The following ITPKB variants were observed in gnomAD, a reference collection of about 807,000 sequenced individuals.
ITPKB encodes the protein inositol-trisphosphate 3-kinase B.
A neutral mutation model predicts 69.4 loss-of-function variants in ITPKB; 13 were observed. The observed-to-expected ratio is 0.19, with a 90% CI of 0.12 to 0.30. The LOEUF is 0.30. ITPKB is among the 10% of genes least tolerant of loss of function. The probability of loss-of-function intolerance (pLI) is 1.00; values close to 1 mark genes in which losing one functional copy is unlikely to be tolerated. For missense variants in ITPKB, 1,240 were observed against 1,250.5 expected (o/e 0.99, Z 0.13); for synonymous variants, 584 against 513.7 (o/e 1.14, Z -1.85).
At chr1:226,690,792 T>C (rs1186424241) in intron 2 of ITPKB, among the ~76,000 whole-genome samples, 2 of 152,126 alleles carry the variant, frequency 1.3e-5, no homozygotes, top group South Asian at 4.1e-4. Context: ...TTTCCTGCAA[T>C]AGCCAAAAGG....
At chr1:226,660,858 T>C (rs1003402138) in intron 2 of ITPKB, among the ~76,000 whole-genome samples, 8 of 152,218 alleles carry the variant, frequency 5.3e-5, no homozygotes, top group African/African-American at 1.7e-4. Flanking sequence ...GCCTTTCCTC[T>C]GGGAAAGGGC....
At chr1:226,687,375 A>G (rs1474695554) in intron 2 of ITPKB, among the ~76,000 whole-genome samples, 2 of 152,268 alleles carry the variant, frequency 1.3e-5, no homozygotes, top group Non-Finnish European at 1.5e-5. Flanking sequence ...GAAACAACCA[A>G]AAGTGGGCCT....
At chr1:226,656,760 C>T (rs1007975829) in intron 2 of ITPKB, 5 of 152,212 alleles carry the variant, frequency 3.3e-5, no homozygotes, top group African/African-American at 1.2e-4. Context: ...TGTTCTGCAG[C>T]CTTCCAGCTG....
At chr1:226,705,674 T>A (rs898622322) in intron 2 of ITPKB, among the ~76,000 whole-genome samples, 3 of 152,174 alleles carry the variant, frequency 2.0e-5, no homozygotes, top group African/African-American at 4.8e-5. Context: ...GAGACTTGTA[T>A]CTGTGACTGC....
chr1:226,735,980 G>A lies in ITPKB; in HGVS notation c.1479C>T (p.Cys493=). ...GCACACCCACCCTGTCCCCAGGAGGGCACTGAGGTTCTTTCAGATCTTTCG... is the reference window on the plus strand; with the variant it reads ...GCACACCCACCCTGTCCCCAGGAGGACACTGAGGTTCTTTCAGATCTTTCG... ...DAAKDLKEPQ[C]PPGDRVGVQP... The change falls in exon 2 of 8, where the codon TGC becomes TGT. Residue 493 remains cysteine, a synonymous_variant. Transcript: ENST00000429204. 4 of 1,613,940 alleles carry A rather than the reference G, an allele frequency of 2.5e-6. No individual in the cohort carries two copies. Among genetic ancestry groups the A allele is most frequent in the Non-Finnish European group, 3.4e-6 (4 of 1,180,006 alleles).
intron 3 of ITPKB, 102 bp downstream of exon 3, chr1:226,648,569 AG>A: frequency 2.6e-6 from 2 of 765,928 alleles, no homozygotes; most frequent in Non-Finnish European, 4.7e-6. Flanking sequence ...AAAGTCTTGG[AG>A]GGAACTTGCT....
intron 3 of ITPKB, among the ~76,000 whole-genome samples, chr1:226,647,867 G>C (rs937389250): frequency 1.1e-4 from 17 of 152,252 alleles, no homozygotes; most frequent in Non-Finnish European, 2.2e-4. Flanking sequence ...CTTCTTCTGA[G>C]CCAGACCAAG....
In ITPKB at chr1:226,642,217, G is replaced by T; in HGVS notation, c.2247-92C>A. The T allele has an allele frequency of 9.4e-7, 1 of 1,061,160 alleles. No individual in the cohort carries two copies. Among genetic ancestry groups the T allele is most frequent in the Non-Finnish European group, 1.4e-6 (1 of 720,474 alleles). The allele number at this position is 1,061,160 out of a possible 1,614,324, so 65.7% of individuals were successfully genotyped here. On this transcript the variant is annotated intron_variant, in intron 4 of 7. Transcript: ENST00000429204. The surrounding 1 kb of genome is among the most constrained non-coding windows in gnomAD (Gnocchi z 6.4). ...TGCCTGGTGGATGAAGGTTTGGGGC[G>T]TGTGTTGCCCAACAGCTGCAGTCAG...
chr1:226,696,161 C>T (rs1656479139), intron 2 of ITPKB, among the ~76,000 whole-genome samples: 1 of 152,210 alleles, frequency 6.6e-6, no homozygotes, highest in South Asian at 2.1e-4. Flanking sequence ...TAGTCACTAG[C>T]TGGGTGAATT....
chr1:226,729,738 C>A (rs901546030), intron 2 of ITPKB, among the ~76,000 whole-genome samples: 3 of 151,662 alleles, frequency 2.0e-5, no homozygotes, highest in African/African-American at 7.3e-5. Context: ...GCCACCATGC[C>A]CGGCTAACTT....
chr1:226,654,619 C>T (rs1669254444), intron 2 of ITPKB, among the ~76,000 whole-genome samples: 1 of 152,170 alleles, frequency 6.6e-6, no homozygotes, highest in Non-Finnish European at 1.5e-5. Context: ...GTTACTCCTC[C>T]CCACCTCCAG....
At position 226,641,563 on chromosome 1, in the gene ITPKB, C is replaced by A. The variant is rs907992193; in HGVS notation, c.2451+358G>T. Among the ~76,000 whole-genome samples, 1 of 152,266 alleles carries A rather than the reference C, an allele frequency of 6.6e-6. No homozygotes were observed. The highest frequency in any genetic ancestry group is 2.4e-5 in the African/African-American group (1 of 41,480). On this transcript the variant is annotated intron_variant, in intron 5 of 7. Transcript: ENST00000429204. The surrounding 1 kb of genome is among the most constrained non-coding windows in gnomAD (Gnocchi z 4.6). Reference sequence around the variant, plus strand: ...GCTCCTCCCTTCCCCGAATTGTCTGCCAGTCCCAGTTTGCAGCCATGGCAG... The same window carrying A: ...GCTCCTCCCTTCCCCGAATTGTCTGACAGTCCCAGTTTGCAGCCATGGCAG...
Position 226,655,085 on chromosome 1 carries a change from A to G in ITPKB, c.1933-6314T>C, listed in dbSNP as rs574654064. ...AAGAGGAGGTGGGGAGGAGGGGAGG[A>G]GGAAGAGGAGGGCAGGAGGAAGAAG... On this transcript the variant is annotated intron_variant, in intron 2 of 7. Transcript: ENST00000429204. 6.6e-5 allele frequency among the ~76,000 whole-genome samples: 10 copies of G among 150,408 alleles called. No homozygotes were observed. In the South Asian group the frequency reaches 2.1e-3, roughly 32 times the overall value.
At chr1:226,720,590 C>T (rs1425871191) in intron 2 of ITPKB, among the ~76,000 whole-genome samples, 1 of 152,134 alleles carries the variant, frequency 6.6e-6, no homozygotes, top group Admixed American at 6.5e-5. Flanking sequence ...AAGTATTTGA[C>T]GGAACATGCC....
At position 226,642,274 on chromosome 1, in the gene ITPKB, G is replaced by A. The variant is rs557157981; in HGVS notation, c.2247-149C>T. On this transcript the variant is annotated intron_variant, in intron 4 of 7. Transcript: ENST00000429204. The surrounding 1 kb of genome is among the most constrained non-coding windows in gnomAD (Gnocchi z 6.4). Reference sequence around the variant, plus strand: ...GCCCTGAGTCAAGGCACGTCTTTCCGAGGGGACGGCAGACTCTGTTCCAGC... The same window carrying A: ...GCCCTGAGTCAAGGCACGTCTTTCCAAGGGGACGGCAGACTCTGTTCCAGC... 8.7e-4 allele frequency: 549 copies of A among 629,982 alleles called. 2 individuals are homozygous for A. Among genetic ancestry groups the A allele is most frequent in the African/African-American group, 5.4e-3 (293 of 54,108 alleles). 39.0% of individuals were successfully genotyped at this position (629,982 alleles called of 1,614,324 possible). A position where few individuals can be genotyped will look rare whatever the true frequency, so the allele number is the denominator to read the frequency against.
chr1:226,679,571 T>C (rs994265523), intron 2 of ITPKB, among the ~76,000 whole-genome samples: 1 of 152,234 alleles, frequency 6.6e-6, no homozygotes, highest in Non-Finnish European at 1.5e-5. Flanking sequence ...TAAGTCGATA[T>C]TCTACCTCCC....
intron 2 of ITPKB, among the ~76,000 whole-genome samples, chr1:226,660,113 T>C (rs934952958): frequency 1.1e-4 from 17 of 152,238 alleles, no homozygotes; most frequent in African/African-American, 4.1e-4. Flanking sequence ...GCAGCCTGGC[T>C]GGCCCCAGGC....
At chr1:226,653,224 C>A (rs1005673193) in intron 2 of ITPKB, among the ~76,000 whole-genome samples, 10 of 152,204 alleles carry the variant, frequency 6.6e-5, no homozygotes, top group African/African-American at 2.4e-4. Context: ...CTATGCCCTG[C>A]CAGTAGGTAC....
intron 2 of ITPKB, among the ~76,000 whole-genome samples, chr1:226,721,863 G>T (rs1169204169): frequency 4.0e-5 from 6 of 149,854 alleles, no homozygotes; most frequent in Admixed American, 2.7e-4. Context: ...GCCCAGGCTG[G>T]AGTGCAGTGG....
Sources: allele counts gnomAD v4.1 joint callset (sites outside exome capture counted in the v4.1 genomes callset), GRCh38; gene constraint gnomAD v4.1.1; non-coding constraint Gnocchi (gnomAD v3.1); transcripts MANE v1.5; gene names NCBI Gene and HGNC (gene_info 2026-07-23, HGNC 2026-07-21).